TRIM36: variants seen among roughly 807,000 people sequenced by gnomAD.
The protein encoded by TRIM36 is tripartite motif containing 36, also known as E3 ubiquitin-protein ligase TRIM36.
Under a neutral mutation model 72.4 loss-of-function variants are expected in TRIM36, and 42 were observed. The observed-to-expected ratio is 0.58, with a 90% CI of 0.45 to 0.75. The LOEUF is 0.75. TRIM36 is among the 30% of genes least tolerant of loss of function. The probability of loss-of-function intolerance (pLI) is 0.00; values close to 1 mark genes in which losing one functional copy is unlikely to be tolerated. For synonymous variants in TRIM36, 315 were observed against 282.8 expected, an observed-to-expected ratio of 1.11 and a Z score of -1.14; for missense variants, 913 against 857.1, an observed-to-expected ratio of 1.07 and a Z score of -0.81.
chr5:115,168,925 A>T (rs902429604), intron 1 of TRIM36: 15 of 152,230 alleles, frequency 9.9e-5, no homozygotes, highest in African/African-American at 3.1e-4. Context: ...CAGTGTCTTG[A>T]ATCTGACTTT....
chr5:115,164,268 T>C (rs1345210478), intron 1 of TRIM36, among the ~76,000 whole-genome samples: 1 of 152,248 alleles, frequency 6.6e-6, no homozygotes. Context: ...AGCAATTTTC[T>C]ACATTAAATG....
In TRIM36 at chr5:115,147,000, A is replaced by G. The variant is rs1319975740; in HGVS notation, c.588+69T>C. ...TAGACTTAATAATTTATTTCGTAACATTAAGTACATAAAAGTTTCATAACA... is the reference window on the plus strand; with the variant it reads ...TAGACTTAATAATTTATTTCGTAACGTTAAGTACATAAAAGTTTCATAACA... On this transcript the variant is annotated intron_variant, in intron 3 of 9. Coordinates refer to ENST00000513154, the MANE Select transcript of TRIM36 (RefSeq NM_001300759.2). 10 of 1,349,370 alleles carry G rather than the reference A, an allele frequency of 7.4e-6. No individual in the cohort carries two copies. The Admixed American group carries it at 9.9e-5, about 13-fold the overall frequency. The allele number at this position is 1,349,370 out of a possible 1,614,324, so 83.6% of individuals were successfully genotyped here. A position where few individuals can be genotyped will look rare whatever the true frequency, so the allele number is the denominator to read the frequency against.
chr5:115,166,859 T>C (rs1201779006), intron 1 of TRIM36, among the ~76,000 whole-genome samples: 1 of 152,110 alleles, frequency 6.6e-6, no homozygotes, highest in East Asian at 1.9e-4. Context: ...CCACTTGTGG[T>C]ACACCTGTTC....
chr5:115,163,828 T>A, intron 1 of TRIM36, 76 bp from the exon 2 acceptor site: 1 of 1,039,490 alleles, frequency 9.6e-7, no homozygotes, highest in Non-Finnish European at 1.4e-6. Context: ...CCTGAATAAG[T>A]ACATGTGTTT....
intron 2 of TRIM36, among the ~76,000 whole-genome samples, chr5:115,158,006 G>A (rs1209743128): frequency 1.3e-5 from 2 of 151,972 alleles, no homozygotes; most frequent in East Asian, 1.9e-4. Context: ...CTACAAATAG[G>A]GTGCAGTGGA....
intron 6 of TRIM36, 94 bp from the exon 7 acceptor site, chr5:115,137,218 C>A: frequency 6.8e-7 from 1 of 1,474,712 alleles, no homozygotes; most frequent in South Asian, 1.4e-5. Context: ...ACCCACACTT[C>A]ACTCAAAATT....
At chr5:115,171,083 G>A, upstream of TRIM36, 1 of 1,614,176 alleles carries the variant, frequency 6.2e-7, no homozygotes, top group Admixed American at 1.7e-5. Context: ...GGACTACAGA[G>A]CTGTAGCGAG....
At position 115,177,722 on chromosome 5, in the gene TRIM36, C is replaced by T. The variant is rs1433487182; in HGVS notation, c.63+2253G>A. 7 of 1,613,948 alleles carry T rather than the reference C, an allele frequency of 4.3e-6. No homozygotes were observed. The East Asian group carries it at 1.3e-4, about 31-fold the overall frequency. ...CTCCAGACCAACTCTCCCCCTCCAA[C>T]CCCCACAAAACAGAGAGAGGAATTG... On this transcript the variant is annotated intron_variant, in intron 1 of 9. Transcript: ENST00000282369.
At chr5:115,161,182 G>A (rs769044368) in intron 2 of TRIM36, among the ~76,000 whole-genome samples, 6 of 149,280 alleles carry the variant, frequency 4.0e-5, no homozygotes, top group Non-Finnish European at 8.9e-5. Context: ...CAATGCTAAG[G>A]GGTATGTGTC....
intron 7 of TRIM36, among the ~76,000 whole-genome samples, chr5:115,135,036 C>T (rs918709242): frequency 6.8e-6 from 1 of 148,116 alleles, no homozygotes; most frequent in Non-Finnish European, 1.5e-5. Flanking sequence ...TATTTTCCCC[C>T]TCAATGGTAT....
intron 1 of TRIM36, among the ~76,000 whole-genome samples, chr5:115,175,531 T>C (rs994293390): frequency 7.9e-5 from 12 of 152,294 alleles, no homozygotes; most frequent in African/African-American, 2.6e-4. Context: ...GATTCAAACC[T>C]GGGTCTCAGT....
chr5:115,162,339 C>G (rs555552235), intron 2 of TRIM36, among the ~76,000 whole-genome samples: 1 of 152,272 alleles, frequency 6.6e-6, no homozygotes, highest in African/African-American at 2.4e-5. Context: ...AAGACAAATG[C>G]CATTATTACT....
chr5:115,148,555 C>T (rs907628568), intron 2 of TRIM36, among the ~76,000 whole-genome samples: 17 of 151,496 alleles, frequency 1.1e-4, no homozygotes, highest in African/African-American at 3.9e-4. Flanking sequence ...GGATTACAGG[C>T]GCCCACCACC....
rs1244649465 is a variant in TRIM36, at chr5:115,147,384, G to A, written c.273C>T (p.Arg91=). 6 of 1,611,764 alleles carry A rather than the reference G, an allele frequency of 3.7e-6. No homozygotes were observed. In the East Asian group the frequency reaches 8.9e-5, roughly 24 times the overall value. ...CAGTTGTCCTCGGGGTCAATGAATT[G>A]CGCTTCCAGCCTGTGTAATTAGTAA... ...IDRINRPGWK[R]NSLTPRTTVF... The change falls in exon 3 of 10, where the codon CGC becomes CGT. Residue 91 remains arginine, a synonymous_variant. Transcript: ENST00000513154.
upstream of TRIM36, among the ~76,000 whole-genome samples, chr5:115,172,769 C>G (rs1165793792): frequency 6.6e-6 from 1 of 151,718 alleles, no homozygotes; most frequent in Non-Finnish European, 1.5e-5. Flanking sequence ...CATAAGGATT[C>G]TGAATGCTGC....
chr5:115,173,501 T>G (rs190856226), upstream of TRIM36, among the ~76,000 whole-genome samples: 7 of 148,770 alleles, frequency 4.7e-5, no homozygotes, highest in East Asian at 9.7e-4. Context: ...GGGTGGGGGG[T>G]GTGTGGACAT....
chr5:115,171,198 G>A, upstream of TRIM36: 1 of 1,614,140 alleles, frequency 6.2e-7, no homozygotes, highest in Non-Finnish European at 8.5e-7. Flanking sequence ...TGTCTGCAGC[G>A]GTAGCCTCGT....
rs957816719 is a variant in TRIM36 at position 115,126,246 on chromosome 5, TAA to T, written c.*255_*256del. 1.9e-5 allele frequency: 8 copies of T among 420,534 alleles called. No homozygotes were observed. Among genetic ancestry groups the T allele is most frequent in the East Asian group, 3.7e-5 (1 of 27,006 alleles). 26.1% of individuals were successfully genotyped at this position (420,534 alleles called of 1,614,324 possible). On this transcript the variant is annotated 3_prime_UTR_variant, in exon 10 of 10. Transcript: ENST00000513154. ...TAAATTAGATATCCTGTACATAAAGTAAAAGACAGTCCAGTTGCAAAGTTAAC... is the reference window on the plus strand; with the variant it reads ...TAAATTAGATATCCTGTACATAAAGTAAGACAGTCCAGTTGCAAAGTTAAC...
At chr5:115,128,246 G>A (rs1026961379) in intron 9 of TRIM36, among the ~76,000 whole-genome samples, 1 of 151,748 alleles carries the variant, frequency 6.6e-6, no homozygotes, top group Non-Finnish European at 1.5e-5. Flanking sequence ...GCGCATGCCT[G>A]TAATCCCAGC....
Sources: allele counts gnomAD v4.1 joint callset (sites outside exome capture counted in the v4.1 genomes callset), GRCh38; gene constraint gnomAD v4.1.1; transcripts MANE v1.5; gene names NCBI Gene and HGNC (gene_info 2026-07-23, HGNC 2026-07-21).